RREB1: variants seen among roughly 807,000 people sequenced by gnomAD.
RREB1 encodes the protein ras responsive element binding protein 1.
RREB1 carries 27 observed loss-of-function variants against 117.8 expected under a neutral mutation model. The ratio of observed to expected loss-of-function variants is 0.23; its 90% CI spans 0.17 to 0.32. The LOEUF is 0.32. Among genes scored for constraint, RREB1 ranks in the 10% least tolerant of loss-of-function variants. The probability of loss-of-function intolerance (pLI) is 1.00; values close to 1 mark genes in which losing one functional copy is unlikely to be tolerated. For missense variants in RREB1, 2,577 were observed against 2,378.2 expected (o/e 1.08, Z -1.74); for synonymous variants, 1,298 against 1,026.7 (o/e 1.26, Z -5.05).
At chr6:7,176,403 C>CT (rs1764503137) in intron 1 of RREB1, among the ~76,000 whole-genome samples, 1 of 152,140 alleles carries the variant, frequency 6.6e-6, no homozygotes, top group African/African-American at 2.4e-5. Context: ...CTGCCCTTGA[C>CT]GTTATTGGAA....
chr6:7,181,377 T>C lies in RREB1; in HGVS notation c.-43+131T>C, dbSNP rs1581500802. 4 of 400,706 alleles carry C rather than the reference T, an allele frequency of 1.0e-5. No homozygotes were observed. In the East Asian group the frequency reaches 1.4e-4, roughly 14 times the overall value. The allele number at this position is 400,706 out of a possible 1,614,324, so 24.8% of individuals were successfully genotyped here. A position where few individuals can be genotyped will look rare whatever the true frequency, so the allele number is the denominator to read the frequency against. On this transcript the variant is annotated intron_variant, in intron 3 of 12. Transcript: ENST00000379938. ...TGTTTGTAACTCTGATAGCGTTGGC[T>C]TCTTAAATCTCTTATAAAATTCAGG...
In RREB1 at chr6:7,226,557, G is replaced by A; in HGVS notation, c.798G>A (p.Met266Ile). ...ACAAACAACTTCCCAGGGATGCAATGGGCAGACCTTTCATACAGAACAACC... is the reference window on the plus strand; with the variant it reads ...ACAAACAACTTCCCAGGGATGCAATAGGCAGACCTTTCATACAGAACAACC... ...LVHKQLPRDA[M>I]GRPFIQNNPS... Residue 266 changes from methionine (M) to isoleucine (I), a missense_variant, in exon 9 of 13, where the codon ATG becomes ATA. Met to Ile is a conservative substitution (Grantham distance 10). Transcript: ENST00000379938. The A allele has an allele frequency of 1.2e-6, 2 of 1,614,120 alleles. No homozygotes were observed. Among genetic ancestry groups the A allele is most frequent in the Non-Finnish European group, 1.7e-6 (2 of 1,179,974 alleles).
intron 6 of RREB1, among the ~76,000 whole-genome samples, chr6:7,196,820 A>G (rs1315149465): frequency 6.6e-6 from 1 of 152,190 alleles, no homozygotes; most frequent in East Asian, 1.9e-4. Context: ...GCAGATTCTC[A>G]TGTGTTTGAG....
intron 1 of RREB1, among the ~76,000 whole-genome samples, chr6:7,156,184 G>T (rs976732682): frequency 6.6e-6 from 1 of 152,220 alleles, no homozygotes; most frequent in African/African-American, 2.4e-5. Flanking sequence ...TTTAGTAATT[G>T]AAGGGAACAG....
In RREB1 at chr6:7,249,091, G is replaced by C; in HGVS notation, c.*123G>C. On this transcript the variant is annotated 3_prime_UTR_variant, in exon 13 of 13. Coordinates refer to ENST00000379938, the MANE Select transcript of RREB1 (RefSeq NM_001003699.4). ...AGAGAGAGAGAGAGAGAGAGAGAGA[G>C]AGAGAGAGAGAGACAAGCAGGAGCG... 15 of 769,566 alleles carry C rather than the reference G, an allele frequency of 1.9e-5. No individual in the cohort carries two copies. The highest frequency in any genetic ancestry group is 4.1e-5 in the South Asian group (2 of 49,018). 47.7% of individuals were successfully genotyped at this position (769,566 alleles called of 1,614,324 possible).
chr6:7,205,968 T>C (rs543824769), intron 6 of RREB1, among the ~76,000 whole-genome samples: 6 of 152,342 alleles, frequency 3.9e-5, no homozygotes, highest in African/African-American at 1.4e-4. Flanking sequence ...AAACATCTGC[T>C]ATATTTGTGT....
At chr6:7,149,949 A>C (rs1385739445) in intron 1 of RREB1, among the ~76,000 whole-genome samples, 2 of 150,508 alleles carry the variant, frequency 1.3e-5, no homozygotes, top group African/African-American at 4.9e-5. Context: ...TCGGCCTCCC[A>C]AAGTGCTGGG....
intron 6 of RREB1, among the ~76,000 whole-genome samples, chr6:7,203,488 A>T (rs1248555968): frequency 6.6e-6 from 1 of 152,226 alleles, no homozygotes; most frequent in Non-Finnish European, 1.5e-5. Context: ...GCTCTCTCCA[A>T]ATACTGCCAA....
intron 1 of RREB1, among the ~76,000 whole-genome samples, chr6:7,114,436 C>G (rs1385187860): frequency 6.7e-6 from 1 of 150,200 alleles, no homozygotes; most frequent in East Asian, 1.9e-4. Flanking sequence ...GGACTTTTGG[C>G]ACTGTCTGGA....
chr6:7,228,991 A>T lies in RREB1; in HGVS notation c.898-6A>T. ...TCCCTTGCTTTTACCGGTGGGTTCT[A>T]TATAGGCCTGGTGCGAAACAAACCT... is the stretch of plus-strand genomic sequence containing the variant. On this transcript the variant is annotated splice_polypyrimidine_tract_variant and splice_region_variant and intron_variant, in intron 9 of 12. Transcript: ENST00000379938. The T allele has an allele frequency of 6.6e-7, 1 of 1,514,364 alleles. No homozygotes were observed. The highest frequency in any genetic ancestry group is 1.3e-5 in the South Asian group (1 of 75,072). The allele number at this position is 1,514,364 out of a possible 1,614,324, so 93.8% of individuals were successfully genotyped here.
intron 2 of RREB1, among the ~76,000 whole-genome samples, chr6:7,178,953 A>G (rs1420222864): frequency 6.6e-6 from 1 of 152,182 alleles, no homozygotes; most frequent in Non-Finnish European, 1.5e-5. Flanking sequence ...TTCAGCCCTT[A>G]CATTGGTTAA....
intron 1 of RREB1, among the ~76,000 whole-genome samples, chr6:7,148,542 T>TGGGG (rs150885492): frequency 4.5e-4 from 33 of 72,654 alleles, no homozygotes; most frequent in African/African-American, 1.3e-3. Context: ...AAAAGTAAAG[T>TGGGG]GGGGGGGGGT....
rs907708355 is a variant in RREB1, at chr6:7,249,382, G to A, written c.*414G>A. The A allele has an allele frequency of 5.8e-6, 1 of 171,172 alleles. No individual in the cohort carries two copies. Among genetic ancestry groups the A allele is most frequent in the African/African-American group, 2.4e-5 (1 of 42,340 alleles). The allele number at this position is 171,172 out of a possible 1,614,324, so 10.6% of individuals were successfully genotyped here. A position where few individuals can be genotyped will look rare whatever the true frequency, so the allele number is the denominator to read the frequency against. ...ATAGCACCGTTTGTTCTGTGAGCTG[G>A]AAACAGAAGGAAAAAACATACCCTT... On this transcript the variant is annotated 3_prime_UTR_variant, in exon 13 of 13. Transcript: ENST00000379938.
At chr6:7,133,221 TG>T (rs1476884935) in intron 1 of RREB1, among the ~76,000 whole-genome samples, 1 of 152,130 alleles carries the variant, frequency 6.6e-6, no homozygotes, top group Non-Finnish European at 1.5e-5. Flanking sequence ...GGGGCAGGCT[TG>T]ATGTGGAACT....
At position 7,226,556 on chromosome 6, in the gene RREB1, T is replaced by C. The variant is rs1393666426; in HGVS notation, c.797T>C (p.Met266Thr). ...LVHKQLPRDA[M>T]GRPFIQNNPS... ...CACAAACAACTTCCCAGGGATGCAATGGGCAGACCTTTCATACAGAACAAC... is the reference window on the plus strand; with the variant it reads ...CACAAACAACTTCCCAGGGATGCAACGGGCAGACCTTTCATACAGAACAAC... The change falls in exon 9 of 13, where the codon ATG (methionine) becomes ACG (threonine). Residue 266 changes from methionine to threonine, a missense_variant. Physicochemically the swap from Met to Thr is moderately conservative, Grantham distance 81. Coordinates refer to ENST00000379938, the MANE Select transcript of RREB1 (RefSeq NM_001003699.4). 6 of 1,614,032 alleles carry C rather than the reference T, an allele frequency of 3.7e-6. No homozygotes were observed. The highest frequency in any genetic ancestry group is 4.2e-6 in the Non-Finnish European group (5 of 1,180,018).
intron 1 of RREB1, among the ~76,000 whole-genome samples, chr6:7,156,274 G>T (rs1441615161): frequency 6.6e-6 from 1 of 152,158 alleles, no homozygotes; most frequent in East Asian, 1.9e-4. Context: ...ACTTTAAATG[G>T]TTTAATTTGC....
intron 6 of RREB1, 72 bp from the exon 7 acceptor site, chr6:7,210,732 A>G (rs1766530953): frequency 7.0e-7 from 1 of 1,426,636 alleles, no homozygotes; most frequent in African/African-American, 1.4e-5. Context: ...GTGCCTAAAT[A>G]TAAAATATTA....
At chr6:7,145,470 G>A (rs1455291747) in intron 1 of RREB1, among the ~76,000 whole-genome samples, 1 of 152,156 alleles carries the variant, frequency 6.6e-6, no homozygotes, top group East Asian at 1.9e-4. Context: ...TTGCTAAGCA[G>A]GTAAATTTCT....
chr6:7,122,927 C>G (rs150817723), intron 1 of RREB1, among the ~76,000 whole-genome samples: 402 of 152,212 alleles, frequency 2.6e-3, no homozygotes, highest in African/African-American at 8.6e-3. Context: ...TTTTGGATAA[C>G]CCATCCACAG....
Sources: allele counts gnomAD v4.1 joint callset (sites outside exome capture counted in the v4.1 genomes callset), GRCh38; gene constraint gnomAD v4.1.1; transcripts MANE v1.5; gene names NCBI Gene and HGNC (gene_info 2026-07-23, HGNC 2026-07-21).